Variants in AGTPBP1 observed in about 807,000 individuals in gnomAD.
AGTPBP1 encodes the protein cytosolic carboxypeptidase 1.
Under a neutral mutation model 143.9 loss-of-function variants are expected in AGTPBP1, and 70 were observed. The observed-to-expected ratio is 0.49, with a 90% CI of 0.40 to 0.59. AGTPBP1 has a LOEUF of 0.59. Ranked by LOEUF, AGTPBP1 falls within the 20% of genes least tolerant of loss-of-function variation. The pLI, the probability that AGTPBP1 is intolerant of heterozygous loss-of-function variation, is 0.00. For synonymous variants in AGTPBP1, 463 were observed against 500.2 expected (o/e 0.93, Z 0.99); for missense variants, 1,229 against 1,464.5 (o/e 0.84, Z 2.62).
chr9:85,669,638 T>C (rs1433655162), intron 7 of AGTPBP1, 60 bp from the exon 8 acceptor site: 1 of 1,084,290 alleles, frequency 9.2e-7, no homozygotes, highest in Admixed American at 1.8e-5. Context: ...AAAATGTGTA[T>C]ACTTAGTGAT....
In AGTPBP1 at chr9:85,692,709, A is replaced by T. The variant is rs771646653; in HGVS notation, c.137T>A (p.Leu46His). The T allele has an allele frequency of 6.2e-7, 1 of 1,613,970 alleles. No homozygotes were observed. Among genetic ancestry groups the T allele is most frequent in the South Asian group, 1.1e-5 (1 of 91,054 alleles). The change falls in exon 3 of 26, where the codon CTT becomes CAT. Residue 46 changes from leucine to histidine, a missense_variant. Physicochemically the swap from Leu to His is moderately conservative, Grantham distance 99. Coordinates refer to ENST00000357081, the MANE Select transcript of AGTPBP1 (RefSeq NM_001330701.2). Reference protein sequence around the residue: ...DTARYVTSKILHLAQSQEKTR... With the variant: ...DTARYVTSKIHHLAQSQEKTR... ...TTTACCTTGACTCTGAGCCAGATGA[A>T]GAATTTTTGATGTAACATATCGGGC...
chr9:85,753,411 C>T, the AGTPBP1 span: 13 of 1,613,670 alleles, frequency 8.1e-6, no homozygotes, highest in South Asian at 1.4e-4. Context: ...AAGTATAGAC[C>T]ATCTCCAGGT....
chr9:85,552,992 T>C (rs115034037), intron 25 of AGTPBP1, among the ~76,000 whole-genome samples: 2,814 of 152,314 alleles, frequency 0.018, 98 homozygotes, highest in African/African-American at 0.064. Flanking sequence ...AAGAAAATCT[T>C]TCTATTTGTA....
At chr9:85,672,438 C>A in intron 7 of AGTPBP1, 112 bp downstream of exon 7, 2 of 1,251,138 alleles carry the variant, frequency 1.6e-6, no homozygotes, top group Non-Finnish European at 2.2e-6. Context: ...CATATTAAAT[C>A]TTCTCTTTCC....
At chr9:85,650,289 G>A (rs543852432) in intron 11 of AGTPBP1, among the ~76,000 whole-genome samples, 2 of 152,042 alleles carry the variant, frequency 1.3e-5, no homozygotes, top group South Asian at 2.1e-4. Flanking sequence ...GTGCAGGTTC[G>A]TTAATACACA....
chr9:85,791,800 TCC>T, the AGTPBP1 span, among the ~76,000 whole-genome samples: 2 of 151,906 alleles, frequency 1.3e-5, no homozygotes. Flanking sequence ...TTATACTGGT[TCC>T]TTTTCCTATG....
the AGTPBP1 span, among the ~76,000 whole-genome samples, chr9:85,787,715 GGTT>G: frequency 2.6e-5 from 4 of 152,288 alleles, no homozygotes; most frequent in South Asian, 8.3e-4. Flanking sequence ...TTGTTATTTA[GGTT>G]GTTCTTTGTT....
chr9:85,741,887 C>T lies in AGTPBP1; in HGVS notation c.-146G>A. 1.5e-6 allele frequency: 2 copies of T among 1,370,610 alleles called. No homozygotes were observed. The highest frequency in any genetic ancestry group is 9.4e-7 in the Non-Finnish European group (1 of 1,063,206). 84.9% of individuals were successfully genotyped at this position (1,370,610 alleles called of 1,614,324 possible). On this transcript the variant is annotated 5_prime_UTR_variant, in exon 1 of 26. Coordinates refer to ENST00000357081, the MANE Select transcript of AGTPBP1 (RefSeq NM_001330701.2). ...CCGCCCGGTGTTTTCATACAAACCCCGGTGGCAGGCGAGGCGGAGGCGGCG... is the reference window on the plus strand; with the variant it reads ...CCGCCCGGTGTTTTCATACAAACCCTGGTGGCAGGCGAGGCGGAGGCGGCG...
At chr9:85,555,861 GAAGAA>G (rs898847625) in intron 25 of AGTPBP1, among the ~76,000 whole-genome samples, 1 of 152,106 alleles carries the variant, frequency 6.6e-6, no homozygotes, top group Non-Finnish European at 1.5e-5. Context: ...AGAAATAGAG[GAAGAA>G]ATGAAGAACA....
chr9:85,800,212 C>T, the AGTPBP1 span, among the ~76,000 whole-genome samples: 17 of 152,286 alleles, frequency 1.1e-4, no homozygotes, highest in African/African-American at 3.6e-4. Context: ...ATCTATCTTC[C>T]GGTGAATTTG....
intron 25 of AGTPBP1, among the ~76,000 whole-genome samples, chr9:85,564,520 T>C (rs147182935): frequency 1.3e-5 from 2 of 152,370 alleles, no homozygotes; most frequent in African/African-American, 2.4e-5. Context: ...TATATGACAG[T>C]GGTCCCAATT....
Position 85,741,912 on chromosome 9 carries a change from GGCGGCGGCAGCT to G in AGTPBP1, c.-183_-172del, listed in dbSNP as rs1554747186. The G allele has an allele frequency of 2.1e-5, 28 of 1,329,770 alleles. No individual in the cohort carries two copies. Among genetic ancestry groups the G allele is most frequent in the Admixed American group, 7.6e-5 (2 of 26,230 alleles). 82.4% of individuals were successfully genotyped at this position (1,329,770 alleles called of 1,614,324 possible). A position where few individuals can be genotyped will look rare whatever the true frequency, so the allele number is the denominator to read the frequency against. On this transcript the variant is annotated 5_prime_UTR_variant, in exon 1 of 26. Coordinates refer to ENST00000357081, the MANE Select transcript of AGTPBP1 (RefSeq NM_001330701.2). ...CGGTGGCAGGCGAGGCGGAGGCGGC[GGCGGCGGCAGCT>G]GCGGCGGCGGCGCTGGAGGCGGCGG...
intron 6 of AGTPBP1, among the ~76,000 whole-genome samples, chr9:85,673,704 C>G (rs961331916): frequency 6.6e-6 from 1 of 152,078 alleles, no homozygotes; most frequent in African/African-American, 2.4e-5. Context: ...CTGTTAGCTA[C>G]AATGTTCACT....
chr9:85,666,740 C>T (rs1448418079), intron 8 of AGTPBP1, among the ~76,000 whole-genome samples: 3 of 151,706 alleles, frequency 2.0e-5, no homozygotes, highest in South Asian at 4.2e-4. Context: ...TATAATAGAG[C>T]ATAAAGTACA....
chr9:85,673,019 G>A (rs1339272831), intron 6 of AGTPBP1, among the ~76,000 whole-genome samples: 1 of 152,140 alleles, frequency 6.6e-6, no homozygotes, highest in African/African-American at 2.4e-5. Context: ...ACACGTGTGA[G>A]TCACTGTGCC....
At chr9:85,639,367 GCA>G (rs60915473) in intron 13 of AGTPBP1, among the ~76,000 whole-genome samples, 4,719 of 147,176 alleles carry the variant, frequency 0.032, 146 homozygotes, top group African/African-American at 0.081. Flanking sequence ...GCGCGCACGC[GCA>G]CACACACACA....
At chr9:85,744,857 A>G (rs577811978), upstream of AGTPBP1, among the ~76,000 whole-genome samples, 1 of 152,362 alleles carries the variant, frequency 6.6e-6, no homozygotes, top group South Asian at 2.1e-4. Flanking sequence ...ACGCCTTTCA[A>G]TGTGATTCAT....
intron 2 of AGTPBP1, among the ~76,000 whole-genome samples, chr9:85,711,870 A>G (rs1441514229): frequency 6.6e-6 from 1 of 152,216 alleles, no homozygotes; most frequent in African/African-American, 2.4e-5. Flanking sequence ...ATGAATTAGC[A>G]TGGCTGTGTT....
intron 1 of AGTPBP1, among the ~76,000 whole-genome samples, chr9:85,734,191 T>G (rs1446354983): frequency 6.6e-6 from 1 of 152,138 alleles, no homozygotes; most frequent in African/African-American, 2.4e-5. Flanking sequence ...AGGCAGAGGT[T>G]GCAGTGAGCC....
Sources: gnomAD v4.1 joint callset for allele counts (sites outside exome capture counted in the v4.1 genomes callset) on GRCh38, gnomAD v4.1.1 for gene constraint, MANE v1.5 for transcripts, NCBI Gene and HGNC (gene_info 2026-07-23, HGNC 2026-07-21) for gene names.